Variants in MTUS2 observed in about 807,000 individuals in gnomAD.
The protein encoded by MTUS2 is microtubule-associated tumor suppressor candidate 2.
A neutral mutation model predicts 114.1 loss-of-function variants in MTUS2; 40 were observed. The ratio of observed to expected loss-of-function variants is 0.35; its 90% confidence interval spans 0.27 to 0.46. MTUS2 has a LOEUF of 0.46. MTUS2 is among the 20% of genes least tolerant of loss of function. The pLI, the probability that MTUS2 is intolerant of heterozygous loss-of-function variation, is 1.00. For synonymous variants in MTUS2, 688 were observed against 672.0 expected (o/e 1.02, Z -0.37); for missense variants, 1,679 against 1,705.4 (o/e 0.98, Z 0.27).
At chr13:28,940,567 A>T (rs1336286848) in intron 2 of MTUS2, among the ~76,000 whole-genome samples, 1 of 152,174 alleles carries the variant, frequency 6.6e-6, no homozygotes, top group African/African-American at 2.4e-5. Flanking sequence ...AGGCAATTAA[A>T]TAAGATGGAG....
At chr13:28,995,230 T>G (rs150325512) in intron 2 of MTUS2, among the ~76,000 whole-genome samples, 174 of 152,352 alleles carry the variant, frequency 1.1e-3, no homozygotes, top group Non-Finnish European at 2.0e-3. Flanking sequence ...GCATTATTTC[T>G]GAGGGCTGTG....
At chr13:29,195,418 A>G (rs1421460365) in intron 5 of MTUS2, among the ~76,000 whole-genome samples, 1 of 151,786 alleles carries the variant, frequency 6.6e-6, no homozygotes, top group South Asian at 2.1e-4. Flanking sequence ...GTGCACATGA[A>G]TGTATTAGCT....
chr13:28,921,911 G>GA (rs1881063624), intron 2 of MTUS2, among the ~76,000 whole-genome samples: 1 of 152,226 alleles, frequency 6.6e-6, no homozygotes, highest in Non-Finnish European at 1.5e-5. Context: ...GGGGATGGGG[G>GA]AGAGGTGGCA....
chr13:28,904,645 T>C (rs1315435431), intron 2 of MTUS2, among the ~76,000 whole-genome samples: 1 of 152,144 alleles, frequency 6.6e-6, no homozygotes, highest in Non-Finnish European at 1.5e-5. Context: ...CATGCTGTTT[T>C]GGTTACTGTA....
At chr13:29,089,335 T>C (rs1889837369) in intron 4 of MTUS2, among the ~76,000 whole-genome samples, 1 of 152,214 alleles carries the variant, frequency 6.6e-6, no homozygotes, top group South Asian at 2.1e-4. Context: ...GTTAAGCTGA[T>C]GGAGTTTCCT....
At chr13:29,126,109 G>A (rs932646418) in intron 5 of MTUS2, among the ~76,000 whole-genome samples, 1 of 152,126 alleles carries the variant, frequency 6.6e-6, no homozygotes, top group African/African-American at 2.4e-5. Context: ...ACTTTGACAC[G>A]CATTTAACTT....
rs541246995 is a variant in MTUS2 at position 29,307,021 on chromosome 13, C to G, written c.2807-17592C>G. 8.3e-4 allele frequency: 438 copies of G among 529,288 alleles called. 1 individual carries two copies. Among genetic ancestry groups the G allele is most frequent in the Non-Finnish European group, 1.1e-3 (293 of 270,590 alleles). 32.8% of individuals were successfully genotyped at this position (529,288 alleles called of 1,614,324 possible). A position where few individuals can be genotyped will look rare whatever the true frequency, so the allele number is the denominator to read the frequency against. ...CATCACCATCTTCCAGGAGCGAGATCCCTCCAAAATCAAATGGGGTGATGC... is the reference window on the plus strand; with the variant it reads ...CATCACCATCTTCCAGGAGCGAGATGCCTCCAAAATCAAATGGGGTGATGC... On this transcript the variant is annotated intron_variant, in intron 6 of 15. Transcript: ENST00000612955.
intron 5 of MTUS2, chr13:29,239,738 T>C (rs1195623611): frequency 6.6e-6 from 1 of 152,224 alleles, no homozygotes; most frequent in African/African-American, 2.4e-5. Context: ...TTTTTCTATT[T>C]TATGCTGCCC....
intron 2 of MTUS2, among the ~76,000 whole-genome samples, chr13:28,930,368 C>T (rs1204722404): frequency 3.3e-5 from 5 of 152,132 alleles, no homozygotes; most frequent in South Asian, 2.1e-4. Flanking sequence ...TGGGACTGCC[C>T]GGGTGCTTAT....
chr13:29,438,869 C>G (rs898902335), intron 8 of MTUS2, among the ~76,000 whole-genome samples: 1 of 152,108 alleles, frequency 6.6e-6, no homozygotes, highest in Non-Finnish European at 1.5e-5. Context: ...CTGGATAACC[C>G]GAGACCCTCC....
intron 5 of MTUS2, among the ~76,000 whole-genome samples, chr13:29,121,436 TAC>T (rs34032510): frequency 0.23 from 34,807 of 150,136 alleles, 4,373 homozygotes; most frequent in African/African-American, 0.33. Flanking sequence ...TGTAATGAAA[TAC>T]ACACACACAC....
intron 9 of MTUS2, among the ~76,000 whole-genome samples, chr13:29,452,145 A>ATGGGTAAGCAGT (rs1878730500): frequency 6.6e-6 from 1 of 152,222 alleles, no homozygotes; most frequent in South Asian, 2.1e-4. Flanking sequence ...TAGTAATATC[A>ATGGGTAAGCAGT]ATACTGCAAA....
chr13:28,946,328 AGTGTG>A (rs1882533861), intron 2 of MTUS2, among the ~76,000 whole-genome samples: 3 of 151,070 alleles, frequency 2.0e-5, no homozygotes, highest in African/African-American at 7.3e-5. Flanking sequence ...CCTGCGTGCA[AGTGTG>A]CATGTACACA....
intron 9 of MTUS2, among the ~76,000 whole-genome samples, chr13:29,457,539 C>G (rs1320504566): frequency 1.3e-5 from 2 of 152,084 alleles, no homozygotes; most frequent in Non-Finnish European, 2.9e-5. Context: ...TTTATCTGTT[C>G]TTCTGCTGGT....
At chr13:29,285,603 C>G (rs189416446) in intron 6 of MTUS2, among the ~76,000 whole-genome samples, 1 of 152,114 alleles carries the variant, frequency 6.6e-6, no homozygotes, top group Non-Finnish European at 1.5e-5. Context: ...CAGAGAAGCA[C>G]GTTAAAAACA....
chr13:29,371,228 C>G (rs76271427), intron 8 of MTUS2, among the ~76,000 whole-genome samples: 30,531 of 147,780 alleles, frequency 0.21, 3,287 homozygotes, highest in Middle Eastern at 0.25. Flanking sequence ...ACCCCCCCCC[C>G]CTTTTTTGAG....
intron 2 of MTUS2, among the ~76,000 whole-genome samples, chr13:28,963,616 C>G (rs1245039411): frequency 2.6e-5 from 4 of 152,020 alleles, no homozygotes; most frequent in South Asian, 2.1e-4. Flanking sequence ...AAACCAAAAC[C>G]CCTTTCTTGG....
At chr13:29,431,613 G>A (rs1216080309) in intron 8 of MTUS2, among the ~76,000 whole-genome samples, 1 of 152,172 alleles carries the variant, frequency 6.6e-6, no homozygotes, top group Admixed American at 6.5e-5. Flanking sequence ...AGGTTTCTTG[G>A]CAAAAGTGGA....
At chr13:29,432,045 G>A (rs1462249750) in intron 8 of MTUS2, among the ~76,000 whole-genome samples, 1 of 147,626 alleles carries the variant, frequency 6.8e-6, no homozygotes, top group Admixed American at 6.8e-5. Flanking sequence ...CAGAGCTGGG[G>A]TCTCGCTATA....
Sources: gnomAD v4.1 joint callset for allele counts (sites outside exome capture counted in the v4.1 genomes callset) on GRCh38, gnomAD v4.1.1 for gene constraint, MANE v1.5 for transcripts, NCBI Gene and HGNC (gene_info 2026-07-23, HGNC 2026-07-21) for gene names.